Variants in TENM4 observed in about 807,000 individuals in gnomAD.
TENM4 encodes teneurin transmembrane protein 4, also known as teneurin-4.
Under a neutral mutation model 243.3 loss-of-function variants are expected in TENM4, and 82 were observed. That is an observed-to-expected ratio of 0.34 (90% CI 0.28 to 0.40). The LOEUF (loss-of-function observed/expected upper bound fraction) is 0.40. Ranked by LOEUF, TENM4 falls within the 10% of genes least tolerant of loss-of-function variation. TENM4 has a pLI of 1.00. For missense variants in TENM4, 3,138 were observed against 3,673.3 expected (o/e 0.85, Z 3.77); for synonymous variants, 1,412 against 1,456.3 (o/e 0.97, Z 0.69).
At chr11:79,366,635 G>A (rs1247072570) in intron 1 of TENM4, among the ~76,000 whole-genome samples, 3 of 152,178 alleles carry the variant, frequency 2.0e-5, no homozygotes, top group Non-Finnish European at 4.4e-5. Flanking sequence ...CTAACATTAG[G>A]TGTTAATTCC....
At chr11:79,077,124 G>A (rs1212444356) in intron 4 of TENM4, among the ~76,000 whole-genome samples, 1 of 152,170 alleles carries the variant, frequency 6.6e-6, no homozygotes, top group African/African-American at 2.4e-5. Context: ...AGGCGTCATA[G>A]GAGACTCCCT....
At chr11:79,362,221 C>T (rs191725597) in intron 1 of TENM4, among the ~76,000 whole-genome samples, 27 of 152,322 alleles carry the variant, frequency 1.8e-4, no homozygotes, top group African/African-American at 6.3e-4. Context: ...TGTGTAACTG[C>T]TGAGTTTTGC....
At chr11:79,022,900 T>C (rs537042736) in intron 6 of TENM4, among the ~76,000 whole-genome samples, 1 of 152,310 alleles carries the variant, frequency 6.6e-6, no homozygotes, top group African/African-American at 2.4e-5. Flanking sequence ...CTATAGACAT[T>C]ATCTCTAATT....
intron 2 of TENM4, among the ~76,000 whole-genome samples, chr11:79,220,015 G>C (rs1005685375): frequency 6.6e-6 from 1 of 152,224 alleles, no homozygotes; most frequent in East Asian, 1.9e-4. Context: ...CGGCTAAGCC[G>C]TGGTACCCGG....
At position 78,732,118 on chromosome 11, in the gene TENM4, T is replaced by C. The variant is rs74878328; in HGVS notation, c.3138+198A>G. On this transcript the variant is annotated intron_variant, in intron 21 of 33. Transcript: ENST00000278550. ...GTTCCAGGCACTCATGTGTTTTCCA[T>C]GTGTAAGAGGGGTGCCCCTCATGCC... Among the ~76,000 whole-genome samples, 1,331 of 152,270 alleles carry C rather than the reference T, an allele frequency of 8.7e-3. 8 individuals are homozygous for C. Among genetic ancestry groups the C allele is most frequent in the African/African-American group, 0.015 (607 of 41,544 alleles).
At chr11:79,273,599 T>A (rs1218386042) in intron 2 of TENM4, among the ~76,000 whole-genome samples, 1 of 152,184 alleles carries the variant, frequency 6.6e-6, no homozygotes, top group Non-Finnish European at 1.5e-5. Flanking sequence ...GTGTAGCTAG[T>A]TCAAAGAGGT....
intron 1 of TENM4, among the ~76,000 whole-genome samples, chr11:79,304,362 A>G (rs548642712): frequency 6.6e-6 from 1 of 152,300 alleles, no homozygotes; most frequent in Non-Finnish European, 1.5e-5. Context: ...GCGAAAGCCA[A>G]TTTCAGGAAA....
In TENM4 at chr11:78,894,966, C is replaced by A. The variant is rs182003713; in HGVS notation, c.750-3630G>T. On this transcript the variant is annotated intron_variant, in intron 7 of 33. Transcript: ENST00000278550. ...GCCTCTGCACTCCAGTCCGGTCCAA[C>A]GAGACTCGGCCTTAAAAAAAAAAAA... 7.3e-3 allele frequency among the ~76,000 whole-genome samples: 886 copies of A among 121,102 alleles called. 12 individuals are homozygous for A. Among genetic ancestry groups the A allele is most frequent in the African/African-American group, 0.026 (828 of 31,860 alleles). 79.4% of individuals were successfully genotyped at this position (121,102 alleles called of 152,430 possible).
At chr11:79,164,056 G>A (rs1353402109) in intron 3 of TENM4, among the ~76,000 whole-genome samples, 6 of 17,864 alleles carry the variant, frequency 3.4e-4, no homozygotes, top group African/African-American at 1.1e-3. Flanking sequence ...TAAATACTAT[G>A]TATATATAGT....
Position 78,676,099 on chromosome 11 carries a change from C to T in TENM4, c.5496+53G>A, listed in dbSNP as rs542376716. 97 of 1,412,882 alleles carry T rather than the reference C, an allele frequency of 6.9e-5. No individual in the cohort carries two copies. The East Asian group carries it at 1.1e-3, about 15-fold the overall frequency. 87.5% of individuals were successfully genotyped at this position (1,412,882 alleles called of 1,614,324 possible). On this transcript the variant is annotated intron_variant, in intron 30 of 33. Transcript: ENST00000278550. ...TTTCAAGAACAGAGCCCCGTTCTCC[C>T]GTTCCCCATTCTTTCCCCCCAGGAC...
Position 78,816,060 on chromosome 11 carries a change from C to T in TENM4, c.1682-1665G>A, listed in dbSNP as rs565774067. On this transcript the variant is annotated intron_variant, in intron 12 of 33. Coordinates refer to ENST00000278550, the MANE Select transcript of TENM4 (RefSeq NM_001098816.3). ...CTGATTGAGAAATACAGGCCTTGAC[C>T]GCTCTGTGACTGACACAGCCATTAG... 4.6e-5 allele frequency among the ~76,000 whole-genome samples: 7 copies of T among 152,302 alleles called. No homozygotes were observed. In the South Asian group the frequency reaches 1.4e-3, roughly 32 times the overall value.
At position 78,851,526 on chromosome 11, in the gene TENM4, T is replaced by C. The variant is rs925749874; in HGVS notation, c.1681+2578A>G. Among the ~76,000 whole-genome samples the C allele has an allele frequency of 3.3e-5, 5 of 152,208 alleles. No homozygotes were observed. In the East Asian group the frequency reaches 5.8e-4, roughly 18 times the overall value. On this transcript the variant is annotated intron_variant, in intron 12 of 33. Coordinates refer to ENST00000278550, the MANE Select transcript of TENM4 (RefSeq NM_001098816.3). ...TTTGATTAATATCCTTTCATATTTA[T>C]GCTAAGTTATTAAAAATAAGGAATT... is the stretch of plus-strand genomic sequence containing the variant.
intron 6 of TENM4, among the ~76,000 whole-genome samples, chr11:78,906,324 A>G (rs1477515966): frequency 1.3e-5 from 2 of 152,208 alleles, no homozygotes; most frequent in East Asian, 1.9e-4. Flanking sequence ...CTACCAAACC[A>G]TGGTGCCTTT....
intron 1 of TENM4, among the ~76,000 whole-genome samples, chr11:79,373,834 C>T (rs757026359): frequency 2.0e-5 from 3 of 152,096 alleles, no homozygotes; most frequent in Non-Finnish European, 2.9e-5. Flanking sequence ...AAGTAAGCCC[C>T]AAGATATCAT....
chr11:78,796,495 C>A (rs1199895804), intron 15 of TENM4, among the ~76,000 whole-genome samples: 1 of 152,124 alleles, frequency 6.6e-6, no homozygotes. Context: ...GTAAAAGGCT[C>A]ATTTCTCCAC....
rs190383566 is a variant in TENM4 at position 78,969,076 on chromosome 11, T to C, written c.494-65553A>G. On this transcript the variant is annotated intron_variant, in intron 6 of 33. Transcript: ENST00000278550. ...AGTTGCTGAAGGACTGGTGATCTTA[T>C]GCTCACCACAAGCCCAGCAGTCTGC... is the stretch of plus-strand genomic sequence containing the variant. Among the ~76,000 whole-genome samples the C allele has an allele frequency of 1.9e-4, 29 of 152,348 alleles. No individual in the cohort carries two copies. The East Asian group carries it at 5.0e-3, about 26-fold the overall frequency.
chr11:78,757,090 T>G, intron 18 of TENM4, 69 bp from the exon 19 acceptor site: 1 of 1,448,992 alleles, frequency 6.9e-7, no homozygotes, highest in Non-Finnish European at 9.3e-7. Context: ...CAGAATGCCT[T>G]AATTCATTTC....
chr11:79,050,194 A>G (rs1859760037), intron 6 of TENM4, among the ~76,000 whole-genome samples: 1 of 152,220 alleles, frequency 6.6e-6, no homozygotes, highest in Non-Finnish European at 1.5e-5. Flanking sequence ...CTAAATGTGA[A>G]TAATAATGGC....
intron 6 of TENM4, among the ~76,000 whole-genome samples, chr11:79,003,990 T>G (rs1565163009): frequency 2.4e-5 from 3 of 124,980 alleles, no homozygotes; most frequent in African/African-American, 6.7e-5. Flanking sequence ...CTATTCTAAT[T>G]TCAGAAAAAA....
Sources: allele counts gnomAD v4.1 joint callset (sites outside exome capture counted in the v4.1 genomes callset), GRCh38; gene constraint gnomAD v4.1.1; transcripts MANE v1.5; gene names NCBI Gene and HGNC (gene_info 2026-07-23, HGNC 2026-07-21).